The following TSTD2 variants were observed in gnomAD, a reference collection of about 807,000 sequenced individuals.
TSTD2 encodes thiosulfate sulfurtransferase like domain containing 2.
TSTD2 carries 37 observed loss-of-function variants against 47.9 expected under a neutral mutation model. The ratio of observed to expected loss-of-function variants is 0.77; its 90% CI spans 0.59 to 1.02. The LOEUF (loss-of-function observed/expected upper bound fraction) is 1.02, where lower values mean the gene tolerates loss of function less well. Among genes scored for constraint, TSTD2 ranks in the 50% least tolerant of loss-of-function variants. TSTD2 has a pLI of 0.00. For missense variants in TSTD2, 586 were observed against 616.0 expected (o/e 0.95, Z 0.52); for synonymous variants, 201 against 215.9 (o/e 0.93, Z 0.61).
intron 9 of TSTD2, chr9:97,604,470 T>G (rs906971370): frequency 7.4e-6 from 3 of 407,656 alleles, no homozygotes; most frequent in Non-Finnish European, 1.3e-5. Flanking sequence ...GCAGGGCAGG[T>G]GAGATGATCC....
At position 97,602,736 on chromosome 9, in the gene TSTD2, C is replaced by T. The variant is rs749579455; in HGVS notation, c.1284G>A (p.Gln428=). Residue 428 remains glutamine (Q), a synonymous_variant, in exon 10 of 10, where the codon CAG becomes CAA. Coordinates refer to ENST00000341170, the MANE Select transcript of TSTD2 (RefSeq NM_139246.5). ...ECSYCGARWD[Q]YKLCSTPQCR... ...ACTGGGGAGTAGAGCAGAGTTTATA[C>T]TGGTCCCAGCGGGCTCCACAGTATG... 2 of 1,613,702 alleles carry T rather than the reference C, an allele frequency of 1.2e-6. No individual in the cohort carries two copies. The highest frequency in any genetic ancestry group is 1.3e-5 in the African/African-American group (1 of 75,026).
chr9:97,606,105 C>T (rs1321476853), intron 7 of TSTD2, 38 bp downstream of exon 7: 2 of 1,407,784 alleles, frequency 1.4e-6, no homozygotes. Flanking sequence ...ATGGGGAGAT[C>T]TACCAATTCA....
At chr9:97,627,369 T>C (rs1826739183) in intron 2 of TSTD2, 29 bp downstream of exon 2, 4 of 1,569,550 alleles carry the variant, frequency 2.5e-6, no homozygotes, top group Non-Finnish European at 2.6e-6. Context: ...CACACATACA[T>C]GATCATGAAA....
At chr9:97,620,318 T>C (rs1017711847) in intron 3 of TSTD2, among the ~76,000 whole-genome samples, 1 of 152,202 alleles carries the variant, frequency 6.6e-6, no homozygotes, top group African/African-American at 2.4e-5. Context: ...CCAACCATGA[T>C]TGTGTGGCCT....
Position 97,606,172 on chromosome 9 carries a change from CA to C in TSTD2, c.924del (p.Asp309IlefsTer10). 6.2e-7 allele frequency: 1 copy of C among 1,610,786 alleles called. No homozygotes were observed. The highest frequency in any genetic ancestry group is 8.5e-7 in the Non-Finnish European group (1 of 1,179,010). On this transcript the variant is annotated frameshift_variant, in exon 7 of 10. Transcript: ENST00000341170. LOFTEE classifies it high-confidence loss of function. ...TTGCTTTCATAGAAGTTTCTGCAAT[CA>C]AGAAGGATAGTATCACTTTGTTCTT... is the stretch of plus-strand genomic sequence containing the variant. ...ANQEQSDTIL[L>X]DCRNFYESKI...
chr9:97,605,500 C>A lies in TSTD2; in HGVS notation c.1096G>T (p.Ala366Ser). Residue 366 changes from alanine (A) to serine (S), a missense_variant, in exon 8 of 10, where the codon GCC becomes TCC. Physicochemically the swap from Ala to Ser is moderately conservative, Grantham distance 99. Transcript: ENST00000341170. ...TGGCTCACCTTGGCTTTGAGGTAGG[C>A]TGAACCCCGCTCACAGCGGATGCCC... ...TGGIRCERGS[A>S]YLKAKGVCKE... 1.2e-6 allele frequency: 2 copies of A among 1,613,796 alleles called. No individual in the cohort carries two copies. The highest frequency in any genetic ancestry group is 2.2e-5 in the South Asian group (2 of 91,060).
chr9:97,620,407 C>A (rs1826614962), intron 3 of TSTD2, among the ~76,000 whole-genome samples: 1 of 152,096 alleles, frequency 6.6e-6, no homozygotes, highest in Non-Finnish European at 1.5e-5. Context: ...TCTTTATCAG[C>A]AGCATGAAAA....
At chr9:97,622,783 T>C (rs1254509435) in intron 3 of TSTD2, among the ~76,000 whole-genome samples, 1 of 152,268 alleles carries the variant, frequency 6.6e-6, no homozygotes, top group African/African-American at 2.4e-5. Context: ...CTGCTGGATT[T>C]AGGACTTGCA....
chr9:97,630,887 TG>T lies in TSTD2; in HGVS notation c.-51+2355del, dbSNP rs1310238958. ...TGACTCCATATTTATATCTTCAACCTGGGCCTTTCTCCCAAACTACAAATTC... is the reference window on the plus strand; with the variant it reads ...TGACTCCATATTTATATCTTCAACCTGGCCTTTCTCCCAAACTACAAATTC... On this transcript the variant is annotated intron_variant, in intron 1 of 9. Transcript: ENST00000341170. Among the ~76,000 whole-genome samples the T allele has an allele frequency of 4.6e-5, 7 of 152,236 alleles. No homozygotes were observed. The East Asian group carries it at 1.3e-3, about 29-fold the overall frequency.
chr9:97,617,877 A>G lies in TSTD2; in HGVS notation c.483T>C (p.Ser161=). 6.2e-7 allele frequency: 1 copy of G among 1,604,642 alleles called. No homozygotes were observed. Among genetic ancestry groups the G allele is most frequent in the South Asian group, 1.1e-5 (1 of 89,390 alleles). Reference sequence around the variant, plus strand: ...CCTCCCCTTCTTCACTGCCCTGGCCACTATAAAATGAAAATCCAAGGCAAA... The same window carrying G: ...CCTCCCCTTCTTCACTGCCCTGGCCGCTATAAAATGAAAATCCAAGGCAAA... ...ISCFNPDELI[S]GQGSEEGEVL... The change falls in exon 4 of 10, where the codon AGT becomes AGC. Residue 161 remains serine, a splice_region_variant and synonymous_variant. Coordinates refer to ENST00000341170, the MANE Select transcript of TSTD2 (RefSeq NM_139246.5).
At chr9:97,619,470 A>T (rs1444606743) in intron 3 of TSTD2, among the ~76,000 whole-genome samples, 1 of 152,182 alleles carries the variant, frequency 6.6e-6, no homozygotes, top group African/African-American at 2.4e-5. Context: ...CGAACCATTT[A>T]ACATAAAGAA....
intron 4 of TSTD2, 34 bp downstream of exon 4, chr9:97,617,723 C>A: frequency 6.3e-7 from 1 of 1,581,072 alleles, no homozygotes; most frequent in Non-Finnish European, 8.6e-7. Flanking sequence ...CAAGATGGAC[C>A]CAGTGAAGGA....
rs903509511 is a variant in TSTD2, at chr9:97,605,405, C to T, written c.1113+78G>A. ...TGGGGGTGGGGAGTACTGGGGGCAG[C>T]GGACAGCTCCACGTAAGCTGCTGGT... On this transcript the variant is annotated intron_variant, in intron 8 of 9. Coordinates refer to ENST00000341170, the MANE Select transcript of TSTD2 (RefSeq NM_139246.5). 18 of 1,566,930 alleles carry T rather than the reference C, an allele frequency of 1.1e-5. No individual in the cohort carries two copies. In the African/African-American group the frequency reaches 1.6e-4, roughly 14 times the overall value.
chr9:97,618,954 G>A (rs1006710924), intron 3 of TSTD2, among the ~76,000 whole-genome samples: 1 of 152,058 alleles, frequency 6.6e-6, no homozygotes, highest in Non-Finnish European at 1.5e-5. Flanking sequence ...TATGTAACCC[G>A]TTATCATCTG....
rs1430887360 is a variant in TSTD2 at position 97,600,141 on chromosome 9, C to G, written c.*2328G>C. 1.0e-6 allele frequency: 1 copy of G among 1,002,930 alleles called. No individual in the cohort carries two copies. Among genetic ancestry groups the G allele is most frequent in the African/African-American group, 1.7e-5 (1 of 57,878 alleles). 62.1% of individuals were successfully genotyped at this position (1,002,930 alleles called of 1,614,324 possible). The stretch of plus-strand genomic sequence containing the variant: ...TTGTCTTAGCTATTAGCAAATAAAA[C>G]TGATTATCATTCTTTATTAACCCTC... On this transcript the variant is annotated 3_prime_UTR_variant, in exon 10 of 10. Coordinates refer to ENST00000341170, the MANE Select transcript of TSTD2 (RefSeq NM_139246.5).
chr9:97,606,367 A>G, intron 6 of TSTD2, 106 bp from the exon 7 acceptor site: 1 of 644,402 alleles, frequency 1.6e-6, no homozygotes, highest in South Asian at 1.9e-5. Flanking sequence ...CTTTCCACCC[A>G]AATCTCTTCT....
At chr9:97,606,305 A>C in intron 6 of TSTD2, 44 bp from the exon 7 acceptor site, 1 of 1,284,642 alleles carries the variant, frequency 7.8e-7, no homozygotes, top group Non-Finnish European at 1.1e-6. Flanking sequence ...AAGACAAAAA[A>C]ACCAAAACCC....
chr9:97,616,300 G>A (rs192539083), intron 4 of TSTD2, among the ~76,000 whole-genome samples: 7 of 152,288 alleles, frequency 4.6e-5, no homozygotes, highest in African/African-American at 9.6e-5. Context: ...GCCAACTCAC[G>A]CAGGAACCTA....
intron 3 of TSTD2, among the ~76,000 whole-genome samples, chr9:97,619,237 C>G (rs578067102): frequency 3.4e-4 from 52 of 152,322 alleles, no homozygotes; most frequent in Admixed American, 1.3e-3. Context: ...TGCTTTCTTG[C>G]TCCTTTCCAA....
Sources: gnomAD v4.1 joint callset for allele counts (sites outside exome capture counted in the v4.1 genomes callset) on GRCh38, gnomAD v4.1.1 for gene constraint, MANE v1.5 for transcripts, NCBI Gene and HGNC (gene_info 2026-07-23, HGNC 2026-07-21) for gene names.